PTPRN2: variants seen among roughly 807,000 people sequenced by gnomAD.
The protein encoded by PTPRN2 is receptor-type tyrosine-protein phosphatase N2.
A neutral mutation model predicts 118.8 loss-of-function variants in PTPRN2; 74 were observed. The ratio of observed to expected loss-of-function variants is 0.62; its 90% CI spans 0.52 to 0.76. The LOEUF (loss-of-function observed/expected upper bound fraction) is 0.76, where lower values mean the gene tolerates loss of function less well. Ranked by LOEUF, PTPRN2 falls within the 30% of genes least tolerant of loss-of-function variation. The pLI is 0.00. For missense variants in PTPRN2, 1,481 were observed against 1,394.4 expected, an observed-to-expected ratio of 1.06 and a Z score of -0.99; for synonymous variants, 641 against 608.0, an observed-to-expected ratio of 1.05 and a Z score of -0.80.
rs111935595 is a variant in PTPRN2 at position 157,900,065 on chromosome 7, T to C, written c.1724-1328A>G. ...CAGAAAGTGAGTACAAATGCAACCT[T>C]AGAACCACCCTGGTCACTGCTGCAG... On this transcript the variant is annotated intron_variant, in intron 11 of 22. Coordinates refer to ENST00000389418, the MANE Select transcript of PTPRN2 (RefSeq NM_002847.5). 3.9e-3 allele frequency among the ~76,000 whole-genome samples: 590 copies of C among 152,244 alleles called. 3 individuals are homozygous for C. The highest frequency in any genetic ancestry group is 0.013 in the African/African-American group (552 of 41,558).
chr7:158,426,000 G>A (rs1815722035), intron 2 of PTPRN2, among the ~76,000 whole-genome samples: 1 of 73,296 alleles, frequency 1.4e-5, no homozygotes, highest in Non-Finnish European at 2.5e-5. Context: ...GCGCACCGCC[G>A]GGAAAGACGC....
intron 11 of PTPRN2, among the ~76,000 whole-genome samples, chr7:158,019,300 C>T (rs1048481280): frequency 1.3e-5 from 2 of 152,248 alleles, no homozygotes; most frequent in Admixed American, 1.3e-4. Context: ...AGCATTATTT[C>T]CAATGAACAA....
At chr7:157,758,120 C>T (rs1357822793) in intron 12 of PTPRN2, among the ~76,000 whole-genome samples, 1 of 152,180 alleles carries the variant, frequency 6.6e-6, no homozygotes, top group South Asian at 2.1e-4. Context: ...GATGCGGTCG[C>T]GGGATGGGAT....
In PTPRN2 at chr7:157,733,435, T is replaced by C. The variant is rs530611111; in HGVS notation, c.1789-50498A>G. Among the ~76,000 whole-genome samples, 48 of 52,268 alleles carry C rather than the reference T, an allele frequency of 9.2e-4. 6 individuals are homozygous for C. Among genetic ancestry groups the C allele is most frequent in the South Asian group, 2.7e-3 (4 of 1,482 alleles). 34.3% of individuals were successfully genotyped at this position (52,268 alleles called of 152,430 possible). ...CGCCCAGCACAGTTACTCTTTTCCG[T>C]CCCATGCGCCCAGCACAGTTACTCT... On this transcript the variant is annotated intron_variant, in intron 12 of 22. Transcript: ENST00000389418.
chr7:157,841,834 A>C (rs886474465), intron 12 of PTPRN2, among the ~76,000 whole-genome samples: 5 of 152,112 alleles, frequency 3.3e-5, no homozygotes, highest in East Asian at 3.9e-4. Context: ...TCAGGAGAAC[A>C]CCCTGGATTC....
chr7:158,151,472 A>G (rs77052779), intron 6 of PTPRN2, among the ~76,000 whole-genome samples: 421 of 100,068 alleles, frequency 4.2e-3, no homozygotes, highest in African/African-American at 0.02. Flanking sequence ...CCGCCTTTCT[A>G]TTCCTGCCTC....
chr7:157,614,673 G>A (rs983238395), intron 15 of PTPRN2, among the ~76,000 whole-genome samples: 4 of 152,202 alleles, frequency 2.6e-5, no homozygotes, highest in Admixed American at 6.5e-5. Flanking sequence ...GGACTGCGGA[G>A]TGTGGCCATG....
chr7:157,547,473 C>T (rs116181402), intron 22 of PTPRN2, among the ~76,000 whole-genome samples: 1,823 of 152,212 alleles, frequency 0.012, 37 homozygotes, highest in African/African-American at 0.042. Context: ...GTCAACCTCA[C>T]GTCCAGTTCC....
intron 17 of PTPRN2, among the ~76,000 whole-genome samples, chr7:157,579,160 C>T (rs1398484197): frequency 6.6e-6 from 1 of 152,194 alleles, no homozygotes; most frequent in Non-Finnish European, 1.5e-5. Context: ...CAGACACAAA[C>T]ACGACATTTT....
chr7:157,936,100 C>T (rs11772354), intron 11 of PTPRN2, among the ~76,000 whole-genome samples: 120,750 of 152,192 alleles, frequency 0.79, 48,119 homozygotes, highest in African/African-American at 0.86. Flanking sequence ...CGAAAGTGAA[C>T]CGATCGTAGG....
intron 14 of PTPRN2, among the ~76,000 whole-genome samples, chr7:157,650,093 C>T (rs1023610247): frequency 6.6e-6 from 1 of 152,220 alleles, no homozygotes; most frequent in African/African-American, 2.4e-5. Flanking sequence ...TCGGGGTCTC[C>T]AGAGCCGGCT....
chr7:157,549,068 T>C (rs1285401472), intron 21 of PTPRN2, 49 bp from the exon 22 acceptor site: 2 of 1,550,440 alleles, frequency 1.3e-6, no homozygotes, highest in East Asian at 2.2e-5. Flanking sequence ...AGATAATCCA[T>C]GCCACATCTG....
At chr7:157,655,929 C>A (rs890894609) in intron 14 of PTPRN2, among the ~76,000 whole-genome samples, 15 of 151,878 alleles carry the variant, frequency 9.9e-5, no homozygotes, top group Non-Finnish European at 1.5e-5. Flanking sequence ...CTCCTCCTGC[C>A]TTGCTGTCAC....
At chr7:158,518,762 A>G (rs1823760060) in intron 1 of PTPRN2, among the ~76,000 whole-genome samples, 1 of 152,148 alleles carries the variant, frequency 6.6e-6, no homozygotes, top group African/African-American at 2.4e-5. Context: ...AAACAGGTGA[A>G]TTGCTTGAGC....
intron 2 of PTPRN2, among the ~76,000 whole-genome samples, chr7:158,358,433 G>A (rs1208307703): frequency 2.6e-5 from 4 of 152,154 alleles, no homozygotes; most frequent in Admixed American, 6.5e-5. Context: ...CACAATATTC[G>A]GCCGACGGAA....
chr7:157,691,939 G>T (rs992784260), intron 12 of PTPRN2, among the ~76,000 whole-genome samples: 10 of 152,060 alleles, frequency 6.6e-5, no homozygotes, highest in Non-Finnish European at 1.3e-4. Flanking sequence ...GGGCACCCCG[G>T]TGCGCGGCGC....
chr7:157,965,705 C>T (rs1051865820), intron 11 of PTPRN2, among the ~76,000 whole-genome samples: 3 of 152,140 alleles, frequency 2.0e-5, no homozygotes, highest in Non-Finnish European at 2.9e-5. Context: ...TTCTCTTTCC[C>T]CTCTCCTAAA....
Position 157,590,589 on chromosome 7 carries a change from G to A in PTPRN2, c.2496+4649C>T, listed in dbSNP as rs1039440596. ...GAGTGGTGACCCTCCGTGGATTTTCGTGCACGTTCTGGGCTCTGCTCAGGG... is the reference window on the plus strand; with the variant it reads ...GAGTGGTGACCCTCCGTGGATTTTCATGCACGTTCTGGGCTCTGCTCAGGG... On this transcript the variant is annotated intron_variant, in intron 17 of 22. Coordinates refer to ENST00000389418, the MANE Select transcript of PTPRN2 (RefSeq NM_002847.5). This position sits in a 1 kb window ranked among gnomAD's most constrained non-coding sequence, Gnocchi z 4.0. 6.6e-6 allele frequency among the ~76,000 whole-genome samples: 1 copy of A among 152,198 alleles called. No homozygotes were observed. The highest frequency in any genetic ancestry group is 6.5e-5 in the Admixed American group (1 of 15,280).
intron 9 of PTPRN2, among the ~76,000 whole-genome samples, chr7:158,127,733 C>T (rs1817816550): frequency 6.6e-6 from 1 of 152,194 alleles, no homozygotes; most frequent in East Asian, 1.9e-4. Context: ...GTCTCTGAAG[C>T]TCTTGCCTCT....
Sources: gnomAD v4.1 joint callset for allele counts (sites outside exome capture counted in the v4.1 genomes callset) on GRCh38, gnomAD v4.1.1 for gene constraint, Gnocchi (gnomAD v3.1) non-coding constraint, MANE v1.5 for transcripts, NCBI Gene and HGNC (gene_info 2026-07-23, HGNC 2026-07-21) for gene names.